The following MYO6 variants were observed in gnomAD, a reference collection of about 807,000 sequenced individuals.
MYO6 encodes myosin VI.
In MYO6, 74 loss-of-function variants were observed where a neutral mutation model predicts 178.7. That is an observed-to-expected ratio of 0.41 (90% CI 0.34 to 0.50). The LOEUF (loss-of-function observed/expected upper bound fraction) is 0.50. Among genes scored for constraint, MYO6 ranks in the 20% least tolerant of loss-of-function variants. The pLI, the probability that MYO6 is intolerant of heterozygous loss-of-function variation, is 0.09. For missense variants in MYO6, 1,330 were observed against 1,547.4 expected (o/e 0.86, Z 2.36); for synonymous variants, 477 against 504.6 (o/e 0.95, Z 0.73).
In MYO6 at chr6:75,844,885, G is replaced by A. The variant is rs763650576; in HGVS notation, c.817-12G>A. ...CATATATGTTAATTATGTTTAATTT[G>A]TTTTGTCATAGTATTTAAACCGAGG... On this transcript the variant is annotated splice_polypyrimidine_tract_variant and intron_variant, in intron 9 of 34. Transcript: ENST00000369977. 3.3e-5 allele frequency: 52 copies of A among 1,594,838 alleles called. No individual in the cohort carries two copies. The highest frequency in any genetic ancestry group is 2.0e-4 in the East Asian group (9 of 44,676).
rs1435424597 is a variant in MYO6 at position 75,836,051 on chromosome 6, A to G, written c.553+95A>G. On this transcript the variant is annotated intron_variant, in intron 7 of 34. Transcript: ENST00000369977. ...AATGTTCTTCTCTCAGAGATGCAAA[A>G]GACTCTCTTATCTCCTACTAATCAT... is the stretch of plus-strand genomic sequence containing the variant. 7 of 834,282 alleles carry G rather than the reference A, an allele frequency of 8.4e-6. No individual in the cohort carries two copies. In the East Asian group the frequency reaches 1.7e-4, roughly 21 times the overall value. 51.7% of individuals were successfully genotyped at this position (834,282 alleles called of 1,614,324 possible).
chr6:75,773,667 C>T (rs1248723037), intron 1 of MYO6, among the ~76,000 whole-genome samples: 1 of 152,136 alleles, frequency 6.6e-6, no homozygotes, highest in Non-Finnish European at 1.5e-5. Flanking sequence ...CATTAAACAA[C>T]CTTTTATCAT....
intron 7 of MYO6, among the ~76,000 whole-genome samples, chr6:75,839,020 T>A (rs1773939585): frequency 6.6e-6 from 1 of 151,960 alleles, no homozygotes; most frequent in South Asian, 2.1e-4. Flanking sequence ...TGTTAATATT[T>A]CTTTTAGTTT....
intron 1 of MYO6, among the ~76,000 whole-genome samples, chr6:75,789,718 G>A (rs936415406): frequency 2.6e-5 from 4 of 152,098 alleles, no homozygotes; most frequent in Admixed American, 6.5e-5. Context: ...TATATTTACT[G>A]CTTTAAACGT....
At position 75,814,784 on chromosome 6, in the gene MYO6, G is replaced by A. The variant is rs1482374512; in HGVS notation, c.-47-2717G>A. Among the ~76,000 whole-genome samples, 4 of 151,930 alleles carry A rather than the reference G, an allele frequency of 2.6e-5. No homozygotes were observed. The East Asian group carries it at 7.7e-4, about 29-fold the overall frequency. ...TGAAATAGGAGAATGTCTTGAACGT[G>A]GGAGGTCAAGGTTGCAGTGAGCCAT... On this transcript the variant is annotated intron_variant, in intron 1 of 34. Coordinates refer to ENST00000369977, the MANE Select transcript of MYO6 (RefSeq NM_004999.4).
chr6:75,896,628 G>C (rs1779332010), intron 29 of MYO6, among the ~76,000 whole-genome samples: 1 of 152,194 alleles, frequency 6.6e-6, no homozygotes, highest in Non-Finnish European at 1.5e-5. Flanking sequence ...GTTTGTATGT[G>C]TTTTTCACCT....
rs543117116 is a variant in MYO6, at chr6:75,908,410, C to T, written c.3281-86C>T. 7 of 1,326,220 alleles carry T rather than the reference C, an allele frequency of 5.3e-6. No homozygotes were observed. The South Asian group carries it at 7.7e-5, about 15-fold the overall frequency. The allele number at this position is 1,326,220 out of a possible 1,614,324, so 82.2% of individuals were successfully genotyped here. Reference sequence around the variant, plus strand: ...CATTAATTTAAAAATAAAAAAATCTCCTTATGCGACAGAATAATTATATCA... The same window carrying T: ...CATTAATTTAAAAATAAAAAAATCTTCTTATGCGACAGAATAATTATATCA... On this transcript the variant is annotated intron_variant, in intron 31 of 34. Transcript: ENST00000369977.
chr6:75,824,930 T>C (rs1233073859), intron 3 of MYO6, among the ~76,000 whole-genome samples: 1 of 152,108 alleles, frequency 6.6e-6, no homozygotes, highest in Non-Finnish European at 1.5e-5. Flanking sequence ...CAGCTAATTT[T>C]TGTATTTTTA....
intron 9 of MYO6, among the ~76,000 whole-genome samples, chr6:75,843,520 G>A (rs1425926653): frequency 2.0e-5 from 3 of 152,106 alleles, no homozygotes; most frequent in Non-Finnish European, 4.4e-5. Flanking sequence ...AAAAGGACAC[G>A]TTTCTATCCA....
intron 9 of MYO6, among the ~76,000 whole-genome samples, chr6:75,841,779 G>C (rs1304748287): frequency 6.6e-6 from 1 of 152,232 alleles, no homozygotes; most frequent in African/African-American, 2.4e-5. Context: ...AAATCTACTT[G>C]TTGTGTGTAT....
At chr6:75,795,665 A>G (rs1030640644) in intron 1 of MYO6, among the ~76,000 whole-genome samples, 2 of 152,220 alleles carry the variant, frequency 1.3e-5, no homozygotes, top group Non-Finnish European at 2.9e-5. Flanking sequence ...ATAGAAATCT[A>G]CTTTAAAAGA....
chr6:75,799,398 A>G (rs1468591053), intron 1 of MYO6, among the ~76,000 whole-genome samples: 1 of 152,080 alleles, frequency 6.6e-6, no homozygotes, highest in African/African-American at 2.4e-5. Context: ...CTAAAAAAAA[A>G]AAAAAAAAGT....
At chr6:75,821,625 A>ACACACG (rs1491219133) in intron 2 of MYO6, among the ~76,000 whole-genome samples, 1 of 60,950 alleles carries the variant, frequency 1.6e-5, no homozygotes, top group Non-Finnish European at 3.8e-5. Context: ...TTGTAGCTTT[A>ACACACG]CACACACACA....
intron 7 of MYO6, among the ~76,000 whole-genome samples, chr6:75,838,784 C>T (rs865830268): frequency 6.6e-6 from 1 of 151,560 alleles, no homozygotes; most frequent in Non-Finnish European, 1.5e-5. Flanking sequence ...GCCTCAGGCT[C>T]CTGAGTAGCT....
At chr6:75,876,031 A>G (rs1164031340) in intron 20 of MYO6, among the ~76,000 whole-genome samples, 3 of 152,004 alleles carry the variant, frequency 2.0e-5, no homozygotes, top group East Asian at 3.9e-4. Flanking sequence ...TTTCATTTTC[A>G]TTCCCTAAAT....
chr6:75,914,896 C>G lies in MYO6; in HGVS notation c.3742C>G (p.Gln1248Glu). 3 of 1,614,136 alleles carry G rather than the reference C, an allele frequency of 1.9e-6. No individual in the cohort carries two copies. The highest frequency in any genetic ancestry group is 2.5e-6 in the Non-Finnish European group (3 of 1,180,030). Residue 1248 changes from glutamine (Q) to glutamate (E), a missense_variant, in exon 35 of 35, where the codon CAG (glutamine) becomes GAG (glutamate). By Grantham distance (29) the Gln-to-Glu change is conservative (BLOSUM62 2). Coordinates refer to ENST00000369977, the MANE Select transcript of MYO6 (RefSeq NM_004999.4). Reference protein sequence around the residue: ...RKRGAEILPRQFEEIWERCGG... With the variant: ...RKRGAEILPREFEEIWERCGG... ...GCGTGGTGCTGAGATCTTGCCAAGA[C>G]AGTTTGAAGAAATCTGGGAACGCTG...
At chr6:75,862,573 A>C in intron 15 of MYO6, 23 bp from the exon 16 acceptor site, 1 of 1,590,582 alleles carries the variant, frequency 6.3e-7, no homozygotes, top group Non-Finnish European at 8.6e-7. Context: ...CACTATTGTG[A>C]GTGTTTTCAT....
chr6:75,791,993 C>T (rs1768297925), intron 1 of MYO6, among the ~76,000 whole-genome samples: 1 of 152,142 alleles, frequency 6.6e-6, no homozygotes, highest in Admixed American at 6.5e-5. Context: ...GAGGGGTTGG[C>T]ACAGTTCAGT....
intron 1 of MYO6, among the ~76,000 whole-genome samples, chr6:75,817,198 G>A (rs1191991798): frequency 6.6e-6 from 1 of 151,896 alleles, no homozygotes; most frequent in Non-Finnish European, 1.5e-5. Flanking sequence ...CCAGCTACTC[G>A]GGAGGCTGAG....
Sources: allele counts gnomAD v4.1 joint callset (sites outside exome capture counted in the v4.1 genomes callset), GRCh38; gene constraint gnomAD v4.1.1; transcripts MANE v1.5; gene names NCBI Gene and HGNC (gene_info 2026-07-23, HGNC 2026-07-21).